CEP350: variants seen among roughly 807,000 people sequenced by gnomAD.
CEP350 encodes the protein centrosome-associated protein 350.
CEP350 carries 126 observed loss-of-function variants against 331.8 expected under a neutral mutation model. That is an observed-to-expected ratio of 0.38 (90% CI 0.33 to 0.44). The LOEUF (loss-of-function observed/expected upper bound fraction) is 0.44. Ranked by LOEUF, CEP350 falls within the 20% of genes least tolerant of loss-of-function variation. The pLI, the probability that CEP350 is intolerant of heterozygous loss-of-function variation, is 1.00. For missense variants in CEP350, 3,406 were observed against 3,634.6 expected, an observed-to-expected ratio of 0.94 and a Z score of 1.62; for synonymous variants, 1,200 against 1,259.5, an observed-to-expected ratio of 0.95 and a Z score of 1.00.
chr1:180,049,372 A>T (rs924931348), intron 22 of CEP350, among the ~76,000 whole-genome samples: 1 of 152,190 alleles, frequency 6.6e-6, no homozygotes, highest in East Asian at 1.9e-4. Flanking sequence ...AATAATTGTC[A>T]AGTGACTATT....
intron 1 of CEP350, among the ~76,000 whole-genome samples, chr1:179,960,261 T>G (rs989499680): frequency 4.5e-5 from 6 of 133,062 alleles, no homozygotes; most frequent in Admixed American, 9.6e-5. Context: ...TGCGTGCACC[T>G]CTCTGATGTG....
Position 179,986,237 on chromosome 1 carries a change from G to C in CEP350, c.56G>C (p.Ser19Thr), listed in dbSNP as rs1442297798. 5.2e-6 allele frequency: 8 copies of C among 1,550,500 alleles called. No homozygotes were observed. Among genetic ancestry groups the C allele is most frequent in the Non-Finnish European group, 3.5e-6 (4 of 1,146,486 alleles). ...VPLPNPRNSQ[S>T]KDTVQADITT... ...TTACCAAATCCAAGGAACTCTCAAA[G>C]CAAGGATACTGTTCAAGGTATGATT... The change falls in exon 2 of 38, where the codon AGC becomes ACC. Residue 19 changes from serine to threonine, a missense_variant. This residue lies in a region of CEP350 where 1,857 missense variants were observed against 1,909.2 expected (regional missense o/e 0.97). Transcript: ENST00000367607.
At chr1:180,019,915 T>TAGTTAACTAA (rs781303912) in intron 11 of CEP350, 34 bp from the exon 12 acceptor site, 1 of 1,518,956 alleles carries the variant, frequency 6.6e-7, no homozygotes. Context: ...AATGGTGGTT[T>TAGTTAACTAA]AGTTAACTAA....
rs930381036 is a variant in CEP350 at position 180,020,506 on chromosome 1, C to G, written c.2732C>G (p.Pro911Arg). 1.2e-6 allele frequency: 2 copies of G among 1,613,908 alleles called. No individual in the cohort carries two copies. The highest frequency in any genetic ancestry group is 1.7e-6 in the Non-Finnish European group (2 of 1,179,872). The change falls in exon 12 of 38, where the codon CCT becomes CGT. Residue 911 changes from proline to arginine, a missense_variant. Pro to Arg is a moderately radical substitution (Grantham distance 103, BLOSUM62 -2). Coordinates refer to ENST00000367607, the MANE Select transcript of CEP350 (RefSeq NM_014810.5). ...CATGCAACTTTTGATGATGATCTTC[C>G]TGGTGTAGGCAATCTTAGTGAATTT... is the stretch of plus-strand genomic sequence containing the variant. The part of the protein sequence containing the change: ...VSHATFDDDL[P>R]GVGNLSEFKK...
chr1:179,960,596 G>C (rs1179408862), intron 1 of CEP350, among the ~76,000 whole-genome samples: 2 of 151,998 alleles, frequency 1.3e-5, no homozygotes, highest in Non-Finnish European at 2.9e-5. Flanking sequence ...TTTTTTTGAT[G>C]ACACTGTGTC....
At chr1:180,033,238 A>G (rs1656134303) in intron 15 of CEP350, among the ~76,000 whole-genome samples, 2 of 152,162 alleles carry the variant, frequency 1.3e-5, no homozygotes, top group African/African-American at 4.8e-5. Context: ...CGTGCCTTGT[A>G]TTGAATTAAA....
chr1:179,992,790 A>G (rs548060217), intron 5 of CEP350, among the ~76,000 whole-genome samples: 1 of 152,308 alleles, frequency 6.6e-6, no homozygotes, highest in South Asian at 2.1e-4. Flanking sequence ...AGCTTAAGAT[A>G]TTCAACTGAT....
At chr1:180,061,327 G>T (rs1658216823) in intron 25 of CEP350, among the ~76,000 whole-genome samples, 1 of 151,970 alleles carries the variant, frequency 6.6e-6, no homozygotes, top group African/African-American at 2.4e-5. Context: ...CTCCCAAGTG[G>T]CTGGGACCAC....
chr1:180,024,329 C>G, intron 13 of CEP350, 90 bp from the exon 14 acceptor site: 1 of 1,184,172 alleles, frequency 8.4e-7, no homozygotes, highest in Non-Finnish European at 1.2e-6. Context: ...TTATAGTCTC[C>G]TAGTGATTAC....
intron 5 of CEP350, among the ~76,000 whole-genome samples, chr1:179,992,586 T>C (rs963234627): frequency 3.3e-5 from 5 of 152,210 alleles, no homozygotes; most frequent in African/African-American, 7.2e-5. Context: ...TAGTGAACTT[T>C]ATATTGCTTA....
At chr1:179,998,339 C>T (rs1239784655) in intron 6 of CEP350, among the ~76,000 whole-genome samples, 4 of 140,676 alleles carry the variant, frequency 2.8e-5, no homozygotes, top group Non-Finnish European at 4.5e-5. Context: ...GACAGAGTCT[C>T]ACTCTGTCGC....
At chr1:179,993,871 A>G (rs181783869) in intron 5 of CEP350, among the ~76,000 whole-genome samples, 3 of 152,082 alleles carry the variant, frequency 2.0e-5, no homozygotes, top group Non-Finnish European at 4.4e-5. Context: ...AAATGACCAG[A>G]TCTGTTTCTA....
intron 1 of CEP350, 37 bp from the exon 2 acceptor site, chr1:179,986,132 T>C (rs1278595940): frequency 1.4e-6 from 2 of 1,454,094 alleles, no homozygotes; most frequent in Non-Finnish European, 1.9e-6. Context: ...AGTAATATTA[T>C]AAGATTGATG....
intron 2 of CEP350, 83 bp downstream of exon 2, chr1:179,986,337 T>G: frequency 1.2e-6 from 1 of 818,860 alleles, no homozygotes. Flanking sequence ...ATGAAAATTA[T>G]ACCTATGCTT....
chr1:179,964,858 TTTG>T (rs1015939406), intron 1 of CEP350, among the ~76,000 whole-genome samples: 10 of 152,108 alleles, frequency 6.6e-5, no homozygotes, highest in Admixed American at 1.3e-4. Context: ...GTATGTTTTT[TTTG>T]TTGTTGTTTG....
chr1:180,105,444 C>G lies in CEP350; in HGVS notation c.9190-5553C>G, dbSNP rs1248911154. Among the ~76,000 whole-genome samples the G allele has an allele frequency of 2.6e-5, 4 of 152,238 alleles. No homozygotes were observed. The East Asian group carries it at 5.8e-4, about 22-fold the overall frequency. On this transcript the variant is annotated intron_variant, in intron 37 of 37. Coordinates refer to ENST00000367607, the MANE Select transcript of CEP350 (RefSeq NM_014810.5). ...CCAGATGCATATAGCCATTTGCCTA[C>G]TCAGTATCTCCATTTGGATGTCTAT...
intron 20 of CEP350, 82 bp from the exon 21 acceptor site, chr1:180,043,968 CT>C (rs56271885): frequency 0.085 from 95,928 of 1,131,242 alleles, 4,742 homozygotes; most frequent in Non-Finnish European, 0.1. Flanking sequence ...AAGATTTTAT[CT>C]CATATTACTA....
At chr1:180,003,331 T>C (rs1279953364) in intron 7 of CEP350, 44 bp downstream of exon 7, 2 of 1,198,520 alleles carry the variant, frequency 1.7e-6, no homozygotes, top group Non-Finnish European at 2.4e-6. Context: ...TTGTCATACA[T>C]GCTATCTAAT....
chr1:179,993,624 A>G (rs915818341), intron 5 of CEP350, among the ~76,000 whole-genome samples: 6 of 151,808 alleles, frequency 4.0e-5, no homozygotes, highest in African/African-American at 1.5e-4. Context: ...GGGTTTCACC[A>G]TATTGCCCAG....
Sources: allele counts gnomAD v4.1 joint callset (sites outside exome capture counted in the v4.1 genomes callset), GRCh38; gene constraint gnomAD v4.1.1; regional missense constraint gnomAD v4.1.1; transcripts MANE v1.5; gene names NCBI Gene and HGNC (gene_info 2026-07-23, HGNC 2026-07-21).